PLD5: variants seen among roughly 807,000 people sequenced by gnomAD.
The protein encoded by PLD5 is phospholipase D family member 5.
Under a neutral mutation model 61.1 loss-of-function variants are expected in PLD5, and 36 were observed. The observed-to-expected ratio is 0.59, with a 90% CI of 0.45 to 0.78. PLD5 has a LOEUF of 0.78. PLD5 is among the 30% of genes least tolerant of loss of function. The pLI, the probability that PLD5 is intolerant of heterozygous loss-of-function variation, is 0.00. For missense variants in PLD5, 515 were observed against 644.4 expected, an observed-to-expected ratio of 0.80 and a Z score of 2.17; for synonymous variants, 243 against 242.8, an observed-to-expected ratio of 1.00 and a Z score of -0.01.
intron 1 of PLD5, among the ~76,000 whole-genome samples, chr1:242,509,224 A>G (rs948435243): frequency 2.0e-5 from 3 of 150,574 alleles, no homozygotes; most frequent in South Asian, 4.2e-4. Flanking sequence ...TAAAATACAA[A>G]AGAAATTAGC....
intron 4 of PLD5, among the ~76,000 whole-genome samples, chr1:242,226,574 A>G (rs1157208085): frequency 2.0e-5 from 3 of 152,238 alleles, no homozygotes; most frequent in African/African-American, 7.2e-5. Flanking sequence ...TAAGGTTCAG[A>G]ACTAGAAATG....
intron 5 of PLD5, chr1:242,188,673 T>A (rs990443577): frequency 6.6e-6 from 1 of 152,208 alleles, no homozygotes; most frequent in Non-Finnish European, 1.5e-5. Flanking sequence ...TAAATAGTAT[T>A]TAGCTATTTT....
intron 1 of PLD5, among the ~76,000 whole-genome samples, chr1:242,477,544 A>C (rs1667636902): frequency 6.6e-6 from 1 of 152,184 alleles, no homozygotes; most frequent in African/African-American, 2.4e-5. Context: ...CTATACCCGC[A>C]GTTGAGGCGC....
intron 1 of PLD5, among the ~76,000 whole-genome samples, chr1:242,447,209 G>T (rs1666579797): frequency 6.6e-6 from 1 of 152,156 alleles, no homozygotes; most frequent in African/African-American, 2.4e-5. Context: ...CTTTAAATTT[G>T]TAAATAAAAT....
At chr1:242,091,564 T>C (rs1051539366) in intron 9 of PLD5, among the ~76,000 whole-genome samples, 1 of 152,226 alleles carries the variant, frequency 6.6e-6, no homozygotes, top group Non-Finnish European at 1.5e-5. Context: ...CATAACAGTA[T>C]GTGCTTTCGG....
chr1:242,524,214 C>G lies in PLD5; in HGVS notation c.63G>C (p.Arg21Ser). Reference protein sequence around the residue: ...ASPHEGFEQMRLKSRPKEPSP... With the variant: ...ASPHEGFEQMSLKSRPKEPSP... The stretch of plus-strand genomic sequence containing the variant: ...AGGGCTCCTTGGGGCGGCTTTTGAG[C>G]CTCATCTGCTCGAAGCCCTCATGGG... The change falls in exon 1 of 10, where the codon AGG (arginine) becomes AGC (serine). Residue 21 changes from arginine to serine, a missense_variant. By Grantham distance (110) the Arg-to-Ser change is moderately radical. Coordinates refer to ENST00000536534, the MANE Select transcript of PLD5 (RefSeq NM_001372062.1). 1.3e-6 allele frequency: 2 copies of G among 1,532,930 alleles called. No individual in the cohort carries two copies. Among genetic ancestry groups the G allele is most frequent in the Non-Finnish European group, 1.7e-6 (2 of 1,145,436 alleles). The allele number at this position is 1,532,930 out of a possible 1,614,324, so 95.0% of individuals were successfully genotyped here. A position where few individuals can be genotyped will look rare whatever the true frequency, so the allele number is the denominator to read the frequency against.
intron 5 of PLD5, among the ~76,000 whole-genome samples, chr1:242,128,147 A>T (rs1035659800): frequency 3.9e-5 from 6 of 152,172 alleles, no homozygotes; most frequent in Non-Finnish European, 8.8e-5. Flanking sequence ...TTTACAAAAA[A>T]ATAAAAAATG....
intron 1 of PLD5, among the ~76,000 whole-genome samples, chr1:242,408,422 G>A (rs1157966810): frequency 6.6e-6 from 1 of 152,192 alleles, no homozygotes; most frequent in East Asian, 1.9e-4. Flanking sequence ...GGTGGGAGAT[G>A]TTTGCATCAT....
chr1:242,526,257 T>G (rs2654886), upstream of PLD5, among the ~76,000 whole-genome samples: 82,497 of 151,754 alleles, frequency 0.54, 23,670 homozygotes, highest in East Asian at 0.83. Flanking sequence ...GTGGTGGTGC[T>G]CATCTGTGGT....
At chr1:242,183,755 G>T (rs563808850) in intron 5 of PLD5, among the ~76,000 whole-genome samples, 3 of 149,570 alleles carry the variant, frequency 2.0e-5, no homozygotes, top group African/African-American at 7.6e-5. Flanking sequence ...TTAGGCAGGC[G>T]TGGTGGCGGG....
At chr1:242,399,644 TAA>T (rs10712764) in intron 1 of PLD5, among the ~76,000 whole-genome samples, 2 of 149,608 alleles carry the variant, frequency 1.3e-5, no homozygotes, top group South Asian at 2.1e-4. Flanking sequence ...GGCTAAGCAT[TAA>T]AAAAAAAAGA....
chr1:242,234,826 G>A (rs1004674419), intron 4 of PLD5, among the ~76,000 whole-genome samples: 13 of 152,094 alleles, frequency 8.5e-5, no homozygotes, highest in African/African-American at 2.9e-4. Context: ...CAGTAGGAGG[G>A]AGGGAGGTGA....
intron 4 of PLD5, among the ~76,000 whole-genome samples, chr1:242,240,709 G>A (rs541941849): frequency 9.8e-5 from 15 of 152,304 alleles, no homozygotes; most frequent in African/African-American, 3.4e-4. Context: ...TTTTCAAGGT[G>A]AGGGTGGAGG....
At chr1:242,449,042 ACACTT>A (rs1666672194) in intron 1 of PLD5, among the ~76,000 whole-genome samples, 1 of 152,256 alleles carries the variant, frequency 6.6e-6, no homozygotes. Context: ...AGGAAAGAGC[ACACTT>A]CAGAGAATGC....
At chr1:242,340,813 G>A (rs569774245) in intron 2 of PLD5, among the ~76,000 whole-genome samples, 17 of 152,276 alleles carry the variant, frequency 1.1e-4, no homozygotes, top group African/African-American at 3.8e-4. Context: ...TCTGGAATAC[G>A]AAGAAATGAA....
intron 1 of PLD5, among the ~76,000 whole-genome samples, chr1:242,361,842 A>G (rs1661081629): frequency 6.6e-6 from 1 of 152,074 alleles, no homozygotes; most frequent in Admixed American, 6.6e-5. Context: ...CTTAAAAGGA[A>G]TTTGCACCTA....
At chr1:242,163,276 T>C (rs1000553821) in intron 5 of PLD5, among the ~76,000 whole-genome samples, 3 of 152,044 alleles carry the variant, frequency 2.0e-5, no homozygotes, top group East Asian at 3.9e-4. Context: ...CCCGAGTAGC[T>C]GGGACTACAG....
At chr1:242,320,187 A>C (rs1658295477) in intron 2 of PLD5, among the ~76,000 whole-genome samples, 1 of 152,028 alleles carries the variant, frequency 6.6e-6, no homozygotes, top group East Asian at 1.9e-4. Flanking sequence ...ATACAAAAAA[A>C]TTAACATCCA....
intron 3 of PLD5, among the ~76,000 whole-genome samples, chr1:242,271,061 C>T (rs1674034035): frequency 1.3e-5 from 2 of 151,872 alleles, no homozygotes; most frequent in Admixed American, 6.6e-5. Flanking sequence ...TACTAATACT[C>T]GATGATTTTA....
Sources: allele counts gnomAD v4.1 joint callset (sites outside exome capture counted in the v4.1 genomes callset), GRCh38; gene constraint gnomAD v4.1.1; transcripts MANE v1.5; gene names NCBI Gene and HGNC (gene_info 2026-07-23, HGNC 2026-07-21).